The following GLI3 variants were observed in gnomAD, a reference collection of about 807,000 sequenced individuals.
The protein encoded by GLI3 is transcription activator GLI3.
Under a neutral mutation model 100.8 loss-of-function variants are expected in GLI3, and 20 were observed. That is an observed-to-expected ratio of 0.20 (90% CI 0.14 to 0.29). The LOEUF (loss-of-function observed/expected upper bound fraction) is 0.29. GLI3 is among the 10% of genes least tolerant of loss of function. The probability of loss-of-function intolerance (pLI) is 1.00; values close to 1 mark genes in which losing one functional copy is unlikely to be tolerated. For missense variants in GLI3, 2,040 were observed against 2,128.5 expected, an observed-to-expected ratio of 0.96 and a Z score of 0.82; for synonymous variants, 938 against 860.5, an observed-to-expected ratio of 1.09 and a Z score of -1.58.
chr7:41,988,065 C>T (rs1026469749), intron 10 of GLI3, among the ~76,000 whole-genome samples: 14 of 152,168 alleles, frequency 9.2e-5, no homozygotes, highest in African/African-American at 3.4e-4. Context: ...CAAAAGGAAA[C>T]ATCCTCATTC....
Position 41,995,037 on chromosome 7 carries a change from A to C in GLI3, c.1498-16289T>G, listed in dbSNP as rs1240901520. On this transcript the variant is annotated intron_variant, in intron 10 of 14. Transcript: ENST00000395925. ...TTGCAAAATAAACCAGACTGAAACT[A>C]ACTGAAACTCAATGTTCGGCCAAAT... Among the ~76,000 whole-genome samples the C allele has an allele frequency of 3.3e-5, 5 of 152,378 alleles. No homozygotes were observed. In the East Asian group the frequency reaches 9.6e-4, roughly 29 times the overall value.
At chr7:42,077,578 C>G (rs1784907631) in intron 3 of GLI3, among the ~76,000 whole-genome samples, 1 of 151,968 alleles carries the variant, frequency 6.6e-6, no homozygotes, top group Non-Finnish European at 1.5e-5. Flanking sequence ...TAACATTCAC[C>G]TTGGACCCAG....
At chr7:42,042,048 T>C (rs1219116326) in intron 6 of GLI3, among the ~76,000 whole-genome samples, 1 of 146,962 alleles carries the variant, frequency 6.8e-6, no homozygotes, top group Non-Finnish European at 1.5e-5. Context: ...GTGGTCTTGC[T>C]CTGTTGCCAG....
At position 42,230,102 on chromosome 7, in the gene GLI3, G is replaced by C. The variant is rs1004276367; in HGVS notation, c.-42-6807C>G. 4.1e-3 allele frequency among the ~76,000 whole-genome samples: 214 copies of C among 52,676 alleles called. 5 individuals carry two copies. The highest frequency in any genetic ancestry group is 9.7e-3 in the African/African-American group (204 of 21,016). 34.6% of individuals were successfully genotyped at this position (52,676 alleles called of 152,430 possible). On this transcript the variant is annotated intron_variant, in intron 1 of 14. Transcript: ENST00000395925. The stretch of plus-strand genomic sequence containing the variant: ...CCTTTTTCTGCAAGGGTTGGGCGGG[G>C]GGGGGGGGGGTGGAAAGCCCAACTT...
Position 41,972,297 on chromosome 7 carries a change from T to C in GLI3, c.2103+40A>G, listed in dbSNP as rs1328520412. On this transcript the variant is annotated intron_variant, in intron 13 of 14. Transcript: ENST00000395925. The surrounding 1 kb of genome is among the most constrained non-coding windows in gnomAD (Gnocchi z 4.4). ...ATGCACCCTACCTGGCTCTTTTAAA[T>C]GGGCCTGCTGTGAAGTCAGAAGGAG... is the stretch of plus-strand genomic sequence containing the variant. 6.3e-7 allele frequency: 1 copy of C among 1,591,176 alleles called. No homozygotes were observed.
chr7:42,218,823 A>G (rs1191476786), intron 2 of GLI3, among the ~76,000 whole-genome samples: 4 of 152,210 alleles, frequency 2.6e-5, no homozygotes, highest in Admixed American at 1.3e-4. Context: ...ACCACAGCCT[A>G]CATACGTTTA....
intron 7 of GLI3, among the ~76,000 whole-genome samples, chr7:42,030,628 C>T (rs1446178818): frequency 1.3e-5 from 2 of 150,608 alleles, no homozygotes; most frequent in Admixed American, 1.3e-4. Context: ...GAATAAGAAC[C>T]TTCCTAAATA....
At chr7:42,016,507 T>TATA (rs1487731822) in intron 10 of GLI3, among the ~76,000 whole-genome samples, 4 of 152,156 alleles carry the variant, frequency 2.6e-5, no homozygotes, top group African/African-American at 9.7e-5. Flanking sequence ...TTTTATTGAG[T>TATA]ATAACTTTTT....
upstream of GLI3, among the ~76,000 whole-genome samples, chr7:42,238,110 C>A (rs1339776313): frequency 6.6e-6 from 1 of 151,294 alleles, no homozygotes; most frequent in Non-Finnish European, 1.5e-5. Flanking sequence ...CCTACTTGAC[C>A]CCGCGCCCTC....
chr7:42,246,420 A>G (rs987393672), intron 1 of GLI3, among the ~76,000 whole-genome samples: 1 of 152,170 alleles, frequency 6.6e-6, no homozygotes, highest in Admixed American at 6.5e-5. Flanking sequence ...GTATGCAGGA[A>G]TGATGTGGGG....
At chr7:42,123,505 G>A (rs1408571573) in intron 3 of GLI3, among the ~76,000 whole-genome samples, 3 of 152,130 alleles carry the variant, frequency 2.0e-5, no homozygotes, top group African/African-American at 4.8e-5. Context: ...ATACAAAAAC[G>A]TAATTATACA....
chr7:42,261,819 G>T (rs368965070), intron 1 of GLI3, among the ~76,000 whole-genome samples: 1 of 151,638 alleles, frequency 6.6e-6, no homozygotes, highest in Non-Finnish European at 1.5e-5. Context: ...TTGAAGTCTG[G>T]GTTGACCCTG....
chr7:42,185,039 T>C (rs1787691176), intron 2 of GLI3, among the ~76,000 whole-genome samples: 1 of 152,090 alleles, frequency 6.6e-6, no homozygotes, highest in African/African-American at 2.4e-5. Context: ...ACACACATGA[T>C]GCCTGTTAAG....
chr7:42,231,091 G>A (rs1788687821), intron 1 of GLI3, among the ~76,000 whole-genome samples: 1 of 152,090 alleles, frequency 6.6e-6, no homozygotes, highest in South Asian at 2.1e-4. Context: ...GTGTAGCTTT[G>A]GTTTCTTAGA....
At chr7:42,090,284 T>C (rs1583548005) in intron 3 of GLI3, among the ~76,000 whole-genome samples, 1 of 152,224 alleles carries the variant, frequency 6.6e-6, no homozygotes, top group East Asian at 1.9e-4. Context: ...TTATAAACAC[T>C]GTACACTTAG....
intron 3 of GLI3, among the ~76,000 whole-genome samples, chr7:42,142,188 T>C (rs138393459): frequency 1.3e-5 from 2 of 152,234 alleles, no homozygotes; most frequent in East Asian, 1.9e-4. Context: ...GGTTGTTAGA[T>C]AGGCCTTTAA....
At chr7:42,239,910 T>C (rs1459190390), upstream of GLI3, among the ~76,000 whole-genome samples, 1 of 152,244 alleles carries the variant, frequency 6.6e-6, no homozygotes, top group Non-Finnish European at 1.5e-5. Context: ...ATGCAGTGAC[T>C]TTCTCTCTGT....
chr7:42,261,201 AC>A (rs1554345521), intron 1 of GLI3, among the ~76,000 whole-genome samples: 1 of 33,506 alleles, frequency 3.0e-5, no homozygotes, highest in African/African-American at 1.5e-4. Flanking sequence ...ACACACACAA[AC>A]ACACACACAC....
chr7:42,095,479 A>G (rs949169493), intron 3 of GLI3, among the ~76,000 whole-genome samples: 6 of 152,198 alleles, frequency 3.9e-5, no homozygotes, highest in Non-Finnish European at 7.3e-5. Flanking sequence ...GGTGGAGAAC[A>G]AGAGATGTAA....
Sources: gnomAD v4.1 joint callset for allele counts (sites outside exome capture counted in the v4.1 genomes callset) on GRCh38, gnomAD v4.1.1 for gene constraint, Gnocchi (gnomAD v3.1) non-coding constraint, MANE v1.5 for transcripts, NCBI Gene and HGNC (gene_info 2026-07-23, HGNC 2026-07-21) for gene names.